SORCS1: variants seen among roughly 807,000 people sequenced by gnomAD.
SORCS1 encodes the protein VPS10 domain-containing receptor SorCS1.
Under a neutral mutation model 146.1 loss-of-function variants are expected in SORCS1, and 60 were observed. The ratio of observed to expected loss-of-function variants is 0.41; its 90% CI spans 0.33 to 0.51. The LOEUF (loss-of-function observed/expected upper bound fraction) is 0.51. Ranked by LOEUF, SORCS1 falls within the 20% of genes least tolerant of loss-of-function variation. SORCS1 has a pLI of 0.21. For missense variants in SORCS1, 1,352 were observed against 1,487.6 expected (o/e 0.91, Z 1.50); for synonymous variants, 637 against 584.0 (o/e 1.09, Z -1.31).
chr10:106,913,076 G>GAAA (rs34402617), intron 2 of SORCS1, among the ~76,000 whole-genome samples: 1 of 144,908 alleles, frequency 6.9e-6, no homozygotes, highest in Non-Finnish European at 1.5e-5. Flanking sequence ...GGACTGCAAA[G>GAAA]AAAAAAAAAA....
At position 106,575,519 on chromosome 10, in the gene SORCS1, T is replaced by C. The variant is rs548610804; in HGVS notation, c.*1901A>G. 2.0e-5 allele frequency: 3 copies of C among 152,356 alleles called. No homozygotes were observed. Among genetic ancestry groups the C allele is most frequent in the South Asian group, 2.1e-4 (1 of 4,826 alleles). 9.4% of individuals were successfully genotyped at this position (152,356 alleles called of 1,614,324 possible). A position where few individuals can be genotyped will look rare whatever the true frequency, so the allele number is the denominator to read the frequency against. On this transcript the variant is annotated 3_prime_UTR_variant, in exon 26 of 26. Transcript: ENST00000263054. ...ATAGTGGGCTTTGCCCAGTCCATAA[T>C]ACTAAAGGGGCCTCTGCTGAACAGG...
At chr10:106,972,258 T>C (rs1320587252) in intron 1 of SORCS1, among the ~76,000 whole-genome samples, 2 of 151,772 alleles carry the variant, frequency 1.3e-5, no homozygotes, top group East Asian at 3.9e-4. Context: ...GGCATGCACC[T>C]GCAATCCCAG....
chr10:106,894,323 G>C (rs986658146), intron 2 of SORCS1, among the ~76,000 whole-genome samples: 5 of 150,688 alleles, frequency 3.3e-5, no homozygotes, highest in Non-Finnish European at 5.9e-5. Context: ...AGAATAGAAA[G>C]GCCTCTGTGG....
chr10:106,866,931 A>C (rs1193955967), intron 2 of SORCS1, among the ~76,000 whole-genome samples: 3 of 152,226 alleles, frequency 2.0e-5, no homozygotes, highest in African/African-American at 7.2e-5. Flanking sequence ...TCGTAACTCA[A>C]GTGGCCAGAG....
chr10:106,577,791 G>T, intron 25 of SORCS1: 1 of 631,590 alleles, frequency 1.6e-6, no homozygotes, highest in Non-Finnish European at 2.3e-6. Context: ...CTCTGGACTT[G>T]AAGGCAGAAA....
intron 17 of SORCS1, among the ~76,000 whole-genome samples, chr10:106,653,218 T>C (rs1391938773): frequency 2.0e-5 from 3 of 152,248 alleles, no homozygotes; most frequent in Non-Finnish European, 4.4e-5. Flanking sequence ...AGAATTAACC[T>C]ATATAATTTA....
intron 1 of SORCS1, among the ~76,000 whole-genome samples, chr10:106,967,541 C>T (rs1219645606): frequency 2.0e-5 from 3 of 152,066 alleles, no homozygotes; most frequent in Non-Finnish European, 2.9e-5. Context: ...TGAAACAGGC[C>T]TACAGACCCA....
chr10:106,608,936 A>G (rs917747710), intron 22 of SORCS1, among the ~76,000 whole-genome samples: 1 of 152,218 alleles, frequency 6.6e-6, no homozygotes, highest in African/African-American at 2.4e-5. Flanking sequence ...GCCTGTCATC[A>G]GACATGAGCC....
chr10:106,951,512 T>TG (rs1554892872), intron 2 of SORCS1, among the ~76,000 whole-genome samples: 2,868 of 85,006 alleles, frequency 0.034, 83 homozygotes, highest in South Asian at 0.17. Flanking sequence ...ACTCCGTCTC[T>TG]GAAAAAAAAA....
chr10:106,922,121 A>C (rs775586303), intron 2 of SORCS1, among the ~76,000 whole-genome samples: 1 of 152,236 alleles, frequency 6.6e-6, no homozygotes, highest in Non-Finnish European at 1.5e-5. Context: ...GTGGTGAACA[A>C]AGCTTACATT....
At chr10:106,622,288 C>CAA (rs1564788563) in intron 19 of SORCS1, among the ~76,000 whole-genome samples, 2 of 59,014 alleles carry the variant, frequency 3.4e-5, no homozygotes, top group East Asian at 7.6e-4. Flanking sequence ...GATTCCATCT[C>CAA]GAAAAAAAAA....
At position 107,103,094 on chromosome 10, in the gene SORCS1, G is replaced by A. The variant is rs556688906; in HGVS notation, c.558+60875C>T. On this transcript the variant is annotated intron_variant, in intron 1 of 25. Coordinates refer to ENST00000263054, the MANE Select transcript of SORCS1 (RefSeq NM_052918.5). ...AGTCACAATAAACTCAGGAGAATAT[G>A]ACCACAAAGCATGGTGTAATTTTTA... Among the ~76,000 whole-genome samples, 8 of 152,270 alleles carry A rather than the reference G, an allele frequency of 5.3e-5. No individual in the cohort carries two copies. The South Asian group carries it at 1.5e-3, about 28-fold the overall frequency.
At chr10:107,147,353 G>C (rs1968414499) in intron 1 of SORCS1, among the ~76,000 whole-genome samples, 1 of 152,188 alleles carries the variant, frequency 6.6e-6, no homozygotes, top group Non-Finnish European at 1.5e-5. Flanking sequence ...GCCTTTGGCA[G>C]TGCTAGCCCT....
At chr10:106,920,334 C>T (rs1952652605) in intron 2 of SORCS1, among the ~76,000 whole-genome samples, 1 of 152,174 alleles carries the variant, frequency 6.6e-6, no homozygotes, top group Non-Finnish European at 1.5e-5. Flanking sequence ...TCCCTTGCTC[C>T]TGGATACAAA....
At chr10:106,613,890 C>G (rs900420356) in intron 21 of SORCS1, among the ~76,000 whole-genome samples, 2 of 152,228 alleles carry the variant, frequency 1.3e-5, no homozygotes, top group South Asian at 4.2e-4. Flanking sequence ...CCAGCTCTCT[C>G]CACTTCACTG....
At chr10:106,723,197 C>T (rs1484017551) in intron 6 of SORCS1, among the ~76,000 whole-genome samples, 2 of 152,096 alleles carry the variant, frequency 1.3e-5, no homozygotes, top group Non-Finnish European at 2.9e-5. Context: ...GTTTTGGGCT[C>T]TAAGTTATCT....
chr10:107,012,353 G>C (rs969504091), intron 1 of SORCS1, among the ~76,000 whole-genome samples: 2 of 152,168 alleles, frequency 1.3e-5, no homozygotes, highest in African/African-American at 4.8e-5. Flanking sequence ...GAGTTGAACA[G>C]GCTTGAGGAA....
chr10:106,862,520 C>T (rs915202260), intron 2 of SORCS1, among the ~76,000 whole-genome samples: 2 of 151,960 alleles, frequency 1.3e-5, no homozygotes, highest in African/African-American at 2.4e-5. Context: ...GAAGAGTTTA[C>T]GCCCAAGTTA....
upstream of SORCS1, among the ~76,000 whole-genome samples, chr10:107,168,338 C>T (rs1202032067): frequency 6.6e-6 from 1 of 152,168 alleles, no homozygotes; most frequent in Non-Finnish European, 1.5e-5. Flanking sequence ...TTTTCTGTAT[C>T]AATCTCTTGC....
Sources: gnomAD v4.1 joint callset for allele counts (sites outside exome capture counted in the v4.1 genomes callset) on GRCh38, gnomAD v4.1.1 for gene constraint, MANE v1.5 for transcripts, NCBI Gene and HGNC (gene_info 2026-07-23, HGNC 2026-07-21) for gene names.